Variants in CBLB observed in about 807,000 individuals in gnomAD.
CBLB encodes E3 ubiquitin-protein ligase CBL-B.
Under a neutral mutation model 104.9 loss-of-function variants are expected in CBLB, and 31 were observed. The observed-to-expected ratio is 0.30, with a 90% CI of 0.22 to 0.40. The LOEUF is 0.40. Among genes scored for constraint, CBLB ranks in the 10% least tolerant of loss-of-function variants. The pLI, the probability that CBLB is intolerant of heterozygous loss-of-function variation, is 1.00. For synonymous variants in CBLB, 440 were observed against 422.6 expected (o/e 1.04, Z -0.51); for missense variants, 1,062 against 1,214.6 (o/e 0.87, Z 1.87).
intron 3 of CBLB, among the ~76,000 whole-genome samples, chr3:105,851,384 A>G (rs1029313668): frequency 6.6e-6 from 1 of 152,178 alleles, no homozygotes; most frequent in Non-Finnish European, 1.5e-5. Context: ...CAGGGGGGGA[A>G]GTGAGACAGT....
chr3:105,700,844 A>T (rs1021645514), intron 12 of CBLB, among the ~76,000 whole-genome samples: 1 of 152,134 alleles, frequency 6.6e-6, no homozygotes, highest in Non-Finnish European at 1.5e-5. Flanking sequence ...GTTCATTATC[A>T]CTGTACCTCC....
At position 105,814,737 on chromosome 3, in the gene CBLB, T is replaced by TC. The variant is rs59477328; in HGVS notation, c.420-38196dup. On this transcript the variant is annotated intron_variant, in intron 3 of 18. Coordinates refer to ENST00000394030, the MANE Select transcript of CBLB (RefSeq NM_170662.5). ...GTCCTCATTACCAATTTCATGATGC[T>TC]CCAATTTATACTCAACAGTGCTGAC... 4.0e-3 allele frequency among the ~76,000 whole-genome samples: 607 copies of TC among 152,156 alleles called. 2 individuals are homozygous for TC. The highest frequency in any genetic ancestry group is 0.014 in the African/African-American group (576 of 41,508).
chr3:105,799,793 C>T (rs1435688268), intron 3 of CBLB, among the ~76,000 whole-genome samples: 1 of 152,002 alleles, frequency 6.6e-6, no homozygotes, highest in Non-Finnish European at 1.5e-5. Flanking sequence ...ATTTATTTGC[C>T]TGATTTGCTT....
chr3:105,729,322 G>C (rs1193373714), intron 9 of CBLB, among the ~76,000 whole-genome samples: 1 of 152,002 alleles, frequency 6.6e-6, no homozygotes, highest in Non-Finnish European at 1.5e-5. Context: ...TTTCAGTTCA[G>C]AGCATACTAC....
chr3:105,762,849 T>G (rs117321738), intron 4 of CBLB, among the ~76,000 whole-genome samples: 3,410 of 152,184 alleles, frequency 0.022, 91 homozygotes, highest in East Asian at 0.12. Context: ...CCCAGAATAG[T>G]AGATCTACCA....
chr3:105,662,473 T>C (rs1235085102), intron 18 of CBLB, among the ~76,000 whole-genome samples: 1 of 152,204 alleles, frequency 6.6e-6, no homozygotes, highest in Non-Finnish European at 1.5e-5. Context: ...AGTGCTACCA[T>C]CCATGTTCAT....
chr3:105,727,796 G>A (rs1003307775), intron 9 of CBLB, among the ~76,000 whole-genome samples: 1 of 152,154 alleles, frequency 6.6e-6, no homozygotes, highest in Non-Finnish European at 1.5e-5. Context: ...TTATTAAATA[G>A]GGAATCCTTT....
At chr3:105,732,464 C>T (rs1375148766) in intron 9 of CBLB, among the ~76,000 whole-genome samples, 1 of 151,968 alleles carries the variant, frequency 6.6e-6, no homozygotes, top group Non-Finnish European at 1.5e-5. Flanking sequence ...TAAAGAAAAA[C>T]GTAAAACAAA....
chr3:105,862,154 T>C (rs2092142705), intron 2 of CBLB, among the ~76,000 whole-genome samples: 1 of 152,182 alleles, frequency 6.6e-6, no homozygotes, highest in Non-Finnish European at 1.5e-5. Context: ...CTATTCTTCC[T>C]CCGAAATCTC....
intron 11 of CBLB, 42 bp from the exon 12 acceptor site, chr3:105,702,501 T>TAAAAAAAAAAAA (rs1553727160): frequency 1.1e-6 from 1 of 903,576 alleles, no homozygotes; most frequent in Non-Finnish European, 1.5e-6. Context: ...AAAAAAAAAC[T>TAAAAAAAAAAAA]AAAGGTTGTA....
intron 3 of CBLB, among the ~76,000 whole-genome samples, chr3:105,842,887 T>G (rs1377243174): frequency 1.3e-5 from 2 of 152,238 alleles, no homozygotes. Context: ...TGATGAAACT[T>G]ACATATAATG....
At chr3:105,838,667 C>CTTT (rs58426302) in intron 3 of CBLB, among the ~76,000 whole-genome samples, 1 of 137,354 alleles carries the variant, frequency 7.3e-6, no homozygotes, top group Non-Finnish European at 1.6e-5. Flanking sequence ...ATGTATCCTT[C>CTTT]TTTTTTTTTT....
intron 9 of CBLB, among the ~76,000 whole-genome samples, chr3:105,727,291 T>G (rs187985543): frequency 1.1e-4 from 16 of 152,378 alleles, no homozygotes; most frequent in African/African-American, 3.4e-4. Context: ...GATTTGCATT[T>G]CTCTAATGAC....
chr3:105,722,975 T>C (rs1011807640), intron 9 of CBLB, among the ~76,000 whole-genome samples: 1 of 152,210 alleles, frequency 6.6e-6, no homozygotes, highest in Non-Finnish European at 1.5e-5. Flanking sequence ...AGCTTTGTTG[T>C]TGAGAGTTTA....
intron 10 of CBLB, among the ~76,000 whole-genome samples, chr3:105,716,522 A>T (rs549434018): frequency 6.6e-6 from 1 of 152,180 alleles, no homozygotes; most frequent in African/African-American, 2.4e-5. Flanking sequence ...ATATTCTTCC[A>T]AATTATTCAG....
chr3:105,850,206 T>C (rs1311801862), intron 3 of CBLB, among the ~76,000 whole-genome samples: 2 of 152,094 alleles, frequency 1.3e-5, no homozygotes, highest in Non-Finnish European at 2.9e-5. Flanking sequence ...GAGAGAAAAT[T>C]ATAAATTATA....
intron 3 of CBLB, among the ~76,000 whole-genome samples, chr3:105,789,345 TAAAC>T (rs2081381010): frequency 1.3e-5 from 2 of 152,190 alleles, no homozygotes; most frequent in South Asian, 2.1e-4. Flanking sequence ...TTATTCTTGT[TAAAC>T]AAAGTAGTTT....
chr3:105,753,376 TAA>T (rs35630648), intron 4 of CBLB, among the ~76,000 whole-genome samples: 27 of 151,030 alleles, frequency 1.8e-4, no homozygotes, highest in Middle Eastern at 3.2e-3. Context: ...CTGTTTTTTT[TAA>T]AAAAAAAAGG....
intron 3 of CBLB, among the ~76,000 whole-genome samples, chr3:105,799,839 G>A (rs773802831): frequency 2.2e-4 from 34 of 152,104 alleles, no homozygotes; most frequent in Non-Finnish European, 4.4e-4. Flanking sequence ...ATACATGAAC[G>A]TTTCTAATTC....
Sources: gnomAD v4.1 joint callset for allele counts (sites outside exome capture counted in the v4.1 genomes callset) on GRCh38, gnomAD v4.1.1 for gene constraint, MANE v1.5 for transcripts, NCBI Gene and HGNC (gene_info 2026-07-23, HGNC 2026-07-21) for gene names.